The following PIP4K2A variants were observed in gnomAD, a reference collection of about 807,000 sequenced individuals.
PIP4K2A encodes the protein phosphatidylinositol 5-phosphate 4-kinase type-2 alpha.
PIP4K2A carries 14 observed loss-of-function variants against 42.9 expected under a neutral mutation model. The observed-to-expected ratio is 0.33, with a 90% confidence interval of 0.22 to 0.51. The LOEUF (loss-of-function observed/expected upper bound fraction) is 0.51. PIP4K2A is among the 20% of genes least tolerant of loss of function. The pLI, the probability that PIP4K2A is intolerant of heterozygous loss-of-function variation, is 0.97. For synonymous variants in PIP4K2A, 192 were observed against 192.2 expected (o/e 1.00, Z 0.01); for missense variants, 434 against 519.8 (o/e 0.83, Z 1.61).
At chr10:22,567,530 G>A (rs537066401) in intron 6 of PIP4K2A, 121 of 554,810 alleles carry the variant, frequency 2.2e-4, no homozygotes, top group South Asian at 1.8e-3. Flanking sequence ...CCGCAGGAAC[G>A]CACTCTCAGC....
intron 1 of PIP4K2A, among the ~76,000 whole-genome samples, chr10:22,700,817 T>C (rs184237249): frequency 1.2e-4 from 19 of 152,344 alleles, no homozygotes; most frequent in Non-Finnish European, 2.6e-4. Flanking sequence ...CTCTGAATGT[T>C]AGGGTGTCTA....
intron 1 of PIP4K2A, among the ~76,000 whole-genome samples, chr10:22,707,590 TA>T (rs959296883): frequency 1.3e-5 from 2 of 152,102 alleles, no homozygotes; most frequent in African/African-American, 4.8e-5. Flanking sequence ...ACTAAGAAAA[TA>T]AAAGAACTCA....
chr10:22,576,834 G>A (rs1361848816), intron 4 of PIP4K2A, among the ~76,000 whole-genome samples: 1 of 152,150 alleles, frequency 6.6e-6, no homozygotes, highest in African/African-American at 2.4e-5. Flanking sequence ...CCAGCACCCT[G>A]GGAGGCCAAG....
chr10:22,626,233 C>A (rs1295735776), intron 1 of PIP4K2A, among the ~76,000 whole-genome samples: 1 of 151,732 alleles, frequency 6.6e-6, no homozygotes, highest in Non-Finnish European at 1.5e-5. Flanking sequence ...TTCTCCTACC[C>A]AAATTTCTAA....
chr10:22,563,183 T>C (rs551689599), intron 6 of PIP4K2A, among the ~76,000 whole-genome samples: 44 of 152,258 alleles, frequency 2.9e-4, no homozygotes, highest in East Asian at 1.9e-4. Context: ...ATTTTTAATA[T>C]AGAAGGGTGG....
intron 1 of PIP4K2A, among the ~76,000 whole-genome samples, chr10:22,622,395 C>G (rs999991381): frequency 7.2e-5 from 11 of 152,158 alleles, no homozygotes; most frequent in Non-Finnish European, 1.5e-5. Context: ...AAGCTTCGGG[C>G]ACGGGAAGAC....
At chr10:22,704,630 C>A (rs1023715847) in intron 1 of PIP4K2A, among the ~76,000 whole-genome samples, 2 of 136,200 alleles carry the variant, frequency 1.5e-5, no homozygotes, top group Non-Finnish European at 3.1e-5. Flanking sequence ...CCAGCCCAGG[C>A]CAAAAAGCAA....
intron 7 of PIP4K2A, among the ~76,000 whole-genome samples, chr10:22,542,606 G>C (rs1047349335): frequency 4.6e-5 from 7 of 152,216 alleles, no homozygotes; most frequent in African/African-American, 1.7e-4. Flanking sequence ...TTCCACGTGT[G>C]CTTTCCACGA....
intron 5 of PIP4K2A, among the ~76,000 whole-genome samples, chr10:22,569,412 G>A (rs1054943824): frequency 1.2e-4 from 19 of 152,188 alleles, no homozygotes; most frequent in Non-Finnish European, 1.8e-4. Flanking sequence ...ACCACAGTCC[G>A]AGCCCCTCTG....
At position 22,614,706 on chromosome 10, in the gene PIP4K2A, G is replaced by A. The variant is rs374382071; in HGVS notation, c.145-4989C>T. 1.8e-4 allele frequency among the ~76,000 whole-genome samples: 27 copies of A among 152,260 alleles called. No homozygotes were observed. The South Asian group carries it at 5.6e-3, about 32-fold the overall frequency. On this transcript the variant is annotated intron_variant, in intron 1 of 9. Transcript: ENST00000376573. ...TATTGTGTTGTATATGAGGCTTAGC[G>A]ATCATTCGTCAGTTTTACTGAAATG...
intron 1 of PIP4K2A, among the ~76,000 whole-genome samples, chr10:22,637,551 A>G (rs184984068): frequency 6.6e-6 from 1 of 152,340 alleles, no homozygotes; most frequent in African/African-American, 2.4e-5. Context: ...GCCATCCTCA[A>G]GAAAGCCAGC....
At chr10:22,668,884 A>T (rs2130854916) in intron 1 of PIP4K2A, among the ~76,000 whole-genome samples, 1 of 152,348 alleles carries the variant, frequency 6.6e-6, no homozygotes, top group South Asian at 2.1e-4. Flanking sequence ...ACCAAATAAG[A>T]TAATTTAACA....
chr10:22,707,517 C>G (rs1362352722), intron 1 of PIP4K2A, among the ~76,000 whole-genome samples: 4 of 152,296 alleles, frequency 2.6e-5, no homozygotes, highest in Non-Finnish European at 5.9e-5. Flanking sequence ...AACTGGTTTT[C>G]AAGTAGTTTT....
intron 1 of PIP4K2A, among the ~76,000 whole-genome samples, chr10:22,682,892 T>C (rs1839690148): frequency 6.6e-6 from 1 of 152,150 alleles, no homozygotes; most frequent in South Asian, 2.1e-4. Flanking sequence ...TACATATGCA[T>C]CATTTGCGTC....
intron 3 of PIP4K2A, among the ~76,000 whole-genome samples, chr10:22,596,206 A>AG: frequency 1.1e-4 from 1 of 8,958 alleles, no homozygotes; most frequent in African/African-American, 4.1e-4. Context: ...ACTCCGTCTC[A>AG]AAAAAAAAAA....
At chr10:22,698,643 T>C (rs1455527109) in intron 1 of PIP4K2A, among the ~76,000 whole-genome samples, 1 of 152,204 alleles carries the variant, frequency 6.6e-6, no homozygotes, top group Non-Finnish European at 1.5e-5. Context: ...ACAACCACAA[T>C]TACTTTTGCA....
chr10:22,696,921 A>C (rs953437624), intron 1 of PIP4K2A, among the ~76,000 whole-genome samples: 2 of 152,218 alleles, frequency 1.3e-5, no homozygotes, highest in Non-Finnish European at 2.9e-5. Flanking sequence ...GCTAATTTTA[A>C]AGCCTGAATT....
chr10:22,639,357 GC>G (rs1838731454), intron 1 of PIP4K2A, among the ~76,000 whole-genome samples: 1 of 102,970 alleles, frequency 9.7e-6, no homozygotes, highest in Non-Finnish European at 2.0e-5. Flanking sequence ...ATCAAAAGAA[GC>G]TAAAAAAAAA....
intron 1 of PIP4K2A, among the ~76,000 whole-genome samples, chr10:22,655,983 G>C (rs571289774): frequency 1.3e-5 from 2 of 152,204 alleles, no homozygotes; most frequent in South Asian, 4.1e-4. Flanking sequence ...TTAGCATCTT[G>C]GGGGAATCAA....
Sources: allele counts gnomAD v4.1 joint callset (sites outside exome capture counted in the v4.1 genomes callset), GRCh38; gene constraint gnomAD v4.1.1; transcripts MANE v1.5; gene names NCBI Gene and HGNC (gene_info 2026-07-23, HGNC 2026-07-21).